Variants in MTFR1 observed in about 807,000 individuals in gnomAD.
MTFR1 encodes mitochondrial fission regulator 1, also known as chondrocyte protein with a poly-proline region.
In MTFR1, 28 loss-of-function variants were observed where a neutral mutation model predicts 38.8. That is an observed-to-expected ratio of 0.72 (90% CI 0.53 to 0.99). MTFR1 has a LOEUF of 0.99. MTFR1 is among the 50% of genes least tolerant of loss of function. MTFR1 has a pLI of 0.00. For missense variants in MTFR1, 358 were observed against 395.5 expected, an observed-to-expected ratio of 0.91 and a Z score of 0.81; for synonymous variants, 145 against 137.0, an observed-to-expected ratio of 1.06 and a Z score of -0.41.
At chr8:65,729,082 G>A (rs1251993908) in intron 3 of MTFR1, among the ~76,000 whole-genome samples, 1 of 152,020 alleles carries the variant, frequency 6.6e-6, no homozygotes, top group East Asian at 1.9e-4. Flanking sequence ...ACTTTTTAAG[G>A]TGGATTAAAA....
chr8:65,708,443 G>C (rs1805850199), intron 7 of MTFR1: 2 of 295,948 alleles, frequency 6.8e-6, no homozygotes, highest in South Asian at 3.2e-5. Context: ...TTTCTCTCAG[G>C]GCACCCTGTG....
intron 4 of MTFR1, among the ~76,000 whole-genome samples, chr8:65,698,370 G>A (rs1805508247): frequency 6.6e-6 from 1 of 151,602 alleles, no homozygotes; most frequent in South Asian, 2.1e-4. Context: ...AAACTCCTGA[G>A]CTTAAGCGAT....
At chr8:65,756,377 T>C (rs1481849293) in intron 3 of MTFR1, among the ~76,000 whole-genome samples, 3 of 152,220 alleles carry the variant, frequency 2.0e-5, no homozygotes, top group African/African-American at 7.2e-5. Context: ...CAGTGATTCA[T>C]GTATTGGTAC....
intron 3 of MTFR1, among the ~76,000 whole-genome samples, chr8:65,764,707 A>G (rs1168887278): frequency 2.0e-5 from 3 of 152,202 alleles, no homozygotes; most frequent in Non-Finnish European, 4.4e-5. Context: ...TTTAAGAAAC[A>G]TCTTCTTTCA....
intron 3 of MTFR1, chr8:65,724,887 G>A (rs888773008): frequency 6.2e-7 from 1 of 1,609,764 alleles, no homozygotes; most frequent in Non-Finnish European, 8.5e-7. Context: ...TCTGTGGCTA[G>A]TATCAGAGCA....
chr8:65,688,130 G>T (rs1470697356), intron 3 of MTFR1, among the ~76,000 whole-genome samples: 1 of 148,384 alleles, frequency 6.7e-6, no homozygotes, highest in Non-Finnish European at 1.5e-5. Flanking sequence ...GCCGGGCATG[G>T]TGGCTCACAC....
intron 3 of MTFR1, among the ~76,000 whole-genome samples, chr8:65,688,339 G>T (rs1158923047): frequency 6.6e-6 from 1 of 151,646 alleles, no homozygotes; most frequent in African/African-American, 2.4e-5. Flanking sequence ...GGCTGAGGTT[G>T]CAGTGAGCCG....
intron 2 of MTFR1, among the ~76,000 whole-genome samples, chr8:65,674,494 C>T (rs1804656689): frequency 6.6e-6 from 1 of 151,838 alleles, no homozygotes; most frequent in Non-Finnish European, 1.5e-5. Flanking sequence ...TGCCTGTAGT[C>T]CCAGCTACTT....
Position 65,707,039 on chromosome 8 carries a change from A to G in MTFR1, c.547A>G (p.Ile183Val). 1 of 1,611,046 alleles carries G rather than the reference A, an allele frequency of 6.2e-7. No individual in the cohort carries two copies. The highest frequency in any genetic ancestry group is 2.2e-5 in the East Asian group (1 of 44,856). Residue 183 changes from isoleucine to valine, a missense_variant, in exon 6 of 8, where the codon ATA (isoleucine) becomes GTA (valine). By Grantham distance (29) the Ile-to-Val change is conservative. Coordinates refer to ENST00000262146, the MANE Select transcript of MTFR1 (RefSeq NM_014637.4). ...CTTAGATTCTACCACATTTGGTACC[A>G]TACCACCACACCCTCCACCTCCCCC... ...GDLDSTTFGT[I>V]PPHPPPPPPP...
At chr8:65,732,924 G>C (rs569657207) in intron 3 of MTFR1, among the ~76,000 whole-genome samples, 34 of 152,010 alleles carry the variant, frequency 2.2e-4, no homozygotes, top group African/African-American at 7.5e-4. Flanking sequence ...TGACCAGGCT[G>C]GTCTCAAACT....
chr8:65,730,171 CTTTTTTTTT>C lies in MTFR1; in HGVS notation c.*48+10708_*48+10716del, dbSNP rs1179431555. The stretch of plus-strand genomic sequence containing the variant: ...TGTGAGGGATCCAGGTTGCGCACTT[CTTTTTTTTT>C]TTTTTTTTTTTTTTTTTGAGATGGA... On this transcript the variant is annotated intron_variant, in intron 3 of 3. Coordinates refer to the MTFR1 transcript ENST00000521247. Among the ~76,000 whole-genome samples the C allele has an allele frequency of 4.6e-3, 394 of 86,448 alleles. 2 individuals carry two copies. Among genetic ancestry groups the C allele is most frequent in the African/African-American group, 0.017 (366 of 20,938 alleles). The allele number at this position is 86,448 out of a possible 152,430, so 56.7% of individuals were successfully genotyped here.
At chr8:65,711,530 A>G (rs569696369), downstream of MTFR1, among the ~76,000 whole-genome samples, 3 of 152,136 alleles carry the variant, frequency 2.0e-5, no homozygotes, top group Non-Finnish European at 4.4e-5. Context: ...CTTGGTTTCA[A>G]TTGCAGTAGG....
intron 3 of MTFR1, among the ~76,000 whole-genome samples, chr8:65,747,401 T>A (rs1411692326): frequency 1.3e-5 from 2 of 152,204 alleles, no homozygotes; most frequent in Non-Finnish European, 2.9e-5. Context: ...TTTATTGATC[T>A]CCTTGTTACG....
chr8:65,751,958 TGTAAA>T (rs1233698728), intron 3 of MTFR1, among the ~76,000 whole-genome samples: 19 of 152,352 alleles, frequency 1.2e-4, no homozygotes, highest in East Asian at 9.6e-4. Flanking sequence ...TTTATAAGGC[TGTAAA>T]GTATTCTATC....
chr8:65,651,907 T>C (rs978640702), intron 1 of MTFR1, among the ~76,000 whole-genome samples: 33 of 152,176 alleles, frequency 2.2e-4, no homozygotes, highest in African/African-American at 7.5e-4. Context: ...TTTAACAATA[T>C]TGACTTTTCC....
At chr8:65,698,571 G>A (rs2357478) in intron 4 of MTFR1, among the ~76,000 whole-genome samples, 42,375 of 151,902 alleles carry the variant, frequency 0.28, 6,880 homozygotes, top group African/African-American at 0.45. Context: ...TTTTAGGTTC[G>A]GGGGTACATG....
At chr8:65,758,725 C>G (rs1808351578) in intron 3 of MTFR1, among the ~76,000 whole-genome samples, 1 of 152,226 alleles carries the variant, frequency 6.6e-6, no homozygotes, top group Non-Finnish European at 1.5e-5. Flanking sequence ...CAGTATGTTC[C>G]TTTGTCTGAC....
chr8:65,689,132 A>G (rs946510231), intron 3 of MTFR1, among the ~76,000 whole-genome samples: 4 of 152,170 alleles, frequency 2.6e-5, no homozygotes, highest in Non-Finnish European at 5.9e-5. Flanking sequence ...GCAACAGAAC[A>G]AGACTTGGTC....
intron 3 of MTFR1, chr8:65,724,755 A>C: frequency 6.3e-7 from 1 of 1,580,874 alleles, no homozygotes; most frequent in South Asian, 1.2e-5. Flanking sequence ...TAGAAATAGA[A>C]TGTTTCCAAG....
Sources: allele counts gnomAD v4.1 joint callset (sites outside exome capture counted in the v4.1 genomes callset), GRCh38; gene constraint gnomAD v4.1.1; transcripts MANE v1.5; gene names NCBI Gene and HGNC (gene_info 2026-07-23, HGNC 2026-07-21).